The following DCDC1 variants were observed in gnomAD, a reference collection of about 807,000 sequenced individuals.
DCDC1 encodes the protein doublecortin domain-containing protein 1.
Under a neutral mutation model 178.3 loss-of-function variants are expected in DCDC1, and 200 were observed. That is an observed-to-expected ratio of 1.12 (90% CI 1.00 to 1.26). The LOEUF is 1.26. Among genes scored for constraint, DCDC1 ranks in the 50% most tolerant of loss-of-function variants. The pLI, the probability that DCDC1 is intolerant of heterozygous loss-of-function variation, is 0.00. For synonymous variants in DCDC1, 690 were observed against 604.8 expected (o/e 1.14, Z -2.07); for missense variants, 1,983 against 1,749.2 (o/e 1.13, Z -2.38).
At chr11:30,937,373 C>G (rs1211552671) in intron 21 of DCDC1, among the ~76,000 whole-genome samples, 1 of 152,060 alleles carries the variant, frequency 6.6e-6, no homozygotes. Flanking sequence ...CTGGTGGGAC[C>G]TACTCAAAAG....
At chr11:31,325,752 A>G (rs941441126) in intron 3 of DCDC1, among the ~76,000 whole-genome samples, 4 of 152,160 alleles carry the variant, frequency 2.6e-5, no homozygotes, top group Admixed American at 2.6e-4. Flanking sequence ...CAGTGTATTA[A>G]TTAATGAAGA....
At chr11:31,239,073 T>C (rs1976798251) in intron 9 of DCDC1, among the ~76,000 whole-genome samples, 2 of 152,104 alleles carry the variant, frequency 1.3e-5, no homozygotes, top group African/African-American at 2.4e-5. Context: ...ATCAAGATAA[T>C]ATTGTTGTTT....
intron 34 of DCDC1, among the ~76,000 whole-genome samples, chr11:30,897,597 A>AG (rs1944336445): frequency 6.6e-6 from 1 of 151,680 alleles, no homozygotes; most frequent in East Asian, 1.9e-4. Context: ...AAAAAAAAAA[A>AG]AAAAAAAATT....
chr11:31,283,792 G>A (rs1190107882), intron 7 of DCDC1, among the ~76,000 whole-genome samples: 1 of 152,090 alleles, frequency 6.6e-6, no homozygotes, highest in Non-Finnish European at 1.5e-5. Context: ...TTAATAGTCA[G>A]CCAAAGACAT....
chr11:30,963,313 G>C (rs1174588788), intron 20 of DCDC1, among the ~76,000 whole-genome samples: 1 of 152,072 alleles, frequency 6.6e-6, no homozygotes, highest in African/African-American at 2.4e-5. Context: ...ATCTGCAACT[G>C]GTCATTTCCT....
chr11:31,129,694 C>T (rs991338857), intron 10 of DCDC1, among the ~76,000 whole-genome samples: 4 of 152,116 alleles, frequency 2.6e-5, no homozygotes, highest in Non-Finnish European at 4.4e-5. Flanking sequence ...TCAATCCCCT[C>T]ATCCCCCTCC....
At chr11:31,351,694 C>T (rs1316563428) in intron 1 of DCDC1, among the ~76,000 whole-genome samples, 1 of 152,094 alleles carries the variant, frequency 6.6e-6, no homozygotes, top group Non-Finnish European at 1.5e-5. Flanking sequence ...ACTTCTTTTC[C>T]TCCCAAGCAT....
At chr11:31,112,472 T>C (rs962591537) in intron 11 of DCDC1, among the ~76,000 whole-genome samples, 25 of 152,318 alleles carry the variant, frequency 1.6e-4, no homozygotes, top group African/African-American at 5.5e-4. Context: ...AGCTGCTGTA[T>C]TGGCTTCCCA....
At chr11:31,067,213 T>A (rs940212457) in intron 18 of DCDC1, among the ~76,000 whole-genome samples, 1 of 152,000 alleles carries the variant, frequency 6.6e-6, no homozygotes, top group South Asian at 2.1e-4. Flanking sequence ...GGGATGTGTA[T>A]CTGGAATATA....
intron 9 of DCDC1, among the ~76,000 whole-genome samples, chr11:31,220,861 T>C (rs182063994): frequency 6.6e-6 from 1 of 152,294 alleles, no homozygotes; most frequent in East Asian, 1.9e-4. Context: ...TCGAGGGGTC[T>C]CTTCCTGGGT....
intron 9 of DCDC1, among the ~76,000 whole-genome samples, chr11:31,157,373 AT>A (rs1318022851): frequency 0.016 from 997 of 61,260 alleles, 9 homozygotes; most frequent in African/African-American, 0.041. Flanking sequence ...AAAAAAAAAA[AT>A]ATATATATAT....
At chr11:31,007,178 T>TA (rs765710944) in intron 20 of DCDC1, among the ~76,000 whole-genome samples, 2 of 152,050 alleles carry the variant, frequency 1.3e-5, no homozygotes, top group Admixed American at 1.3e-4. Flanking sequence ...ATAGGAAGAA[T>TA]AAAAAAGCCA....
Position 31,131,183 on chromosome 11 carries a change from C to T in DCDC1, c.1315-3544G>A, listed in dbSNP as rs537071659. 3.6e-3 allele frequency among the ~76,000 whole-genome samples: 63 copies of T among 17,348 alleles called. 21 individuals are homozygous for T. The highest frequency in any genetic ancestry group is 7.5e-3 in the South Asian group (3 of 402). The allele number at this position is 17,348 out of a possible 152,430, so 11.4% of individuals were successfully genotyped here. ...CGGCCTGGGCGACAGAGCGAGACTC[C>T]GTCTCAAAAAAAAAAAAAAAGAAAA... On this transcript the variant is annotated intron_variant, in intron 10 of 38. Coordinates refer to ENST00000684477, the MANE Select transcript of DCDC1 (RefSeq NM_001387274.1).
intron 8 of DCDC1, chr11:31,263,217 A>C: frequency 2.8e-6 from 2 of 705,210 alleles, no homozygotes; most frequent in Middle Eastern, 3.5e-4. Context: ...TTCCAGGTGA[A>C]CTGGAAATAA....
chr11:30,967,406 C>T (rs1590588828), intron 20 of DCDC1, among the ~76,000 whole-genome samples: 1 of 152,080 alleles, frequency 6.6e-6, no homozygotes, highest in Non-Finnish European at 1.5e-5. Flanking sequence ...ATCTAGAAAA[C>T]CCCATCGTCT....
At chr11:31,117,496 C>T (rs1960141394) in intron 11 of DCDC1, among the ~76,000 whole-genome samples, 1 of 151,938 alleles carries the variant, frequency 6.6e-6, no homozygotes, top group African/African-American at 2.4e-5. Context: ...TATCTGCCAG[C>T]CCTAATGGAG....
chr11:31,300,930 G>C (rs1299683821), intron 6 of DCDC1, among the ~76,000 whole-genome samples: 2 of 152,050 alleles, frequency 1.3e-5, no homozygotes, highest in African/African-American at 4.8e-5. Flanking sequence ...TTTGGTATTT[G>C]ACAATACAAA....
chr11:31,032,965 A>T (rs1953759701), intron 20 of DCDC1, among the ~76,000 whole-genome samples: 1 of 152,142 alleles, frequency 6.6e-6, no homozygotes, highest in South Asian at 2.1e-4. Context: ...TCCTTGTAAA[A>T]AAAAGACACA....
intron 8 of DCDC1, among the ~76,000 whole-genome samples, chr11:31,252,288 G>C (rs1232455071): frequency 6.6e-6 from 1 of 151,992 alleles, no homozygotes; most frequent in Non-Finnish European, 1.5e-5. Context: ...TGAAAGATCT[G>C]GACAGGCTAA....
Sources: allele counts gnomAD v4.1 joint callset (sites outside exome capture counted in the v4.1 genomes callset), GRCh38; gene constraint gnomAD v4.1.1; transcripts MANE v1.5; gene names NCBI Gene and HGNC (gene_info 2026-07-23, HGNC 2026-07-21).